SNTB2: variants seen among roughly 807,000 people sequenced by gnomAD.
The protein encoded by SNTB2 is beta-2-syntrophin.
SNTB2 carries 34 observed loss-of-function variants against 46.2 expected under a neutral mutation model. The ratio of observed to expected loss-of-function variants is 0.74; its 90% confidence interval spans 0.56 to 0.98. The LOEUF is 0.98. SNTB2 is among the 50% of genes least tolerant of loss of function. SNTB2 has a pLI of 0.00. For missense variants in SNTB2, 603 were observed against 731.4 expected (o/e 0.82, Z 2.02); for synonymous variants, 290 against 312.6 (o/e 0.93, Z 0.76).
intron 1 of SNTB2, among the ~76,000 whole-genome samples, chr16:69,198,928 C>T (rs1037398038): frequency 7.2e-6 from 1 of 139,582 alleles, no homozygotes; most frequent in Non-Finnish European, 1.5e-5. Flanking sequence ...GACAGTTTCA[C>T]TCTTGTTGCT....
chr16:69,189,312 C>A (rs915007104), intron 1 of SNTB2, among the ~76,000 whole-genome samples: 1 of 152,102 alleles, frequency 6.6e-6, no homozygotes, highest in Non-Finnish European at 1.5e-5. Flanking sequence ...AAAACTGTTA[C>A]TCTAAACGTG....
intron 1 of SNTB2, among the ~76,000 whole-genome samples, chr16:69,193,317 A>AG (rs1964072184): frequency 1.0e-5 from 1 of 99,652 alleles, no homozygotes; most frequent in Admixed American, 1.0e-4. Flanking sequence ...GATGGTATAG[A>AG]CTTTTTTTTT....
At chr16:69,198,098 ATTTT>A (rs34676761) in intron 1 of SNTB2, among the ~76,000 whole-genome samples, 65 of 128,372 alleles carry the variant, frequency 5.1e-4, no homozygotes, top group African/African-American at 1.3e-3. Flanking sequence ...AACAGAGTTG[ATTTT>A]TTTTTTTTTT....
In SNTB2 at chr16:69,245,718, T is replaced by G. The variant is rs764902395; in HGVS notation, c.697T>G (p.Ser233Ala). ...PSFSGSEDSGSPKHQNSTKDR... is the reference protein window; with the variant it reads ...PSFSGSEDSGAPKHQNSTKDR... Reference sequence around the variant, plus strand: ...CTTTAGTGGCAGTGAGGACTCTGGTTCGCCAAAACACCAGAACAGCACCAA... The same window carrying G: ...CTTTAGTGGCAGTGAGGACTCTGGTGCGCCAAAACACCAGAACAGCACCAA... The change falls in exon 2 of 7, where the codon TCG becomes GCG. Residue 233 changes from serine to alanine, a missense_variant. Physicochemically the swap from Ser to Ala is moderately conservative, Grantham distance 99 (BLOSUM62 1). Coordinates refer to ENST00000336278, the MANE Select transcript of SNTB2 (RefSeq NM_006750.4). 1.2e-5 allele frequency: 20 copies of G among 1,613,974 alleles called. 1 individual carries two copies. The Admixed American group carries it at 3.3e-4, about 27-fold the overall frequency.
intron 1 of SNTB2, among the ~76,000 whole-genome samples, chr16:69,208,292 G>A (rs764231126): frequency 2.0e-5 from 3 of 151,914 alleles, no homozygotes; most frequent in Non-Finnish European, 4.4e-5. Flanking sequence ...TGTAATCCCA[G>A]CTACTAGGGA....
chr16:69,208,135 G>A (rs959354479), intron 1 of SNTB2, among the ~76,000 whole-genome samples: 9 of 148,454 alleles, frequency 6.1e-5, no homozygotes, highest in East Asian at 2.0e-4. Context: ...AGCCGGGCAC[G>A]GTGGCTCATG....
At chr16:69,300,783 G>A (rs1404920934) in intron 6 of SNTB2, 49 bp from the exon 7 acceptor site, 4 of 1,162,532 alleles carry the variant, frequency 3.4e-6, no homozygotes, top group Non-Finnish European at 5.2e-6. Flanking sequence ...TTATTAAGTT[G>A]TCTGTATATG....
chr16:69,212,841 C>G (rs1964302834), intron 1 of SNTB2, among the ~76,000 whole-genome samples: 1 of 150,308 alleles, frequency 6.7e-6, no homozygotes, highest in Non-Finnish European at 1.5e-5. Flanking sequence ...CCATGTTGAT[C>G]AGGCTGGTTT....
chr16:69,270,311 T>A, intron 4 of SNTB2, 26 bp downstream of exon 4: 1 of 1,613,176 alleles, frequency 6.2e-7, no homozygotes, highest in Non-Finnish European at 8.5e-7. Context: ...GATAAGGAAG[T>A]AAAATATTTA....
intron 1 of SNTB2, among the ~76,000 whole-genome samples, chr16:69,231,648 T>A (rs1457164127): frequency 1.3e-5 from 2 of 152,078 alleles, no homozygotes; most frequent in Non-Finnish European, 2.9e-5. Context: ...ATCTTAATCC[T>A]AAAAACCAAA....
At position 69,292,392 on chromosome 16, in the gene SNTB2, ATATATATATATATATTATATATATATT is replaced by A. The variant is rs1965174632; in HGVS notation, c.1346-7197_1346-7171del. Among the ~76,000 whole-genome samples, 6 of 26,358 alleles carry A rather than the reference ATATATATATATATATTATATATATATT, an allele frequency of 2.3e-4. 1 individual carries two copies. The South Asian group carries it at 3.4e-3, about 15-fold the overall frequency. The allele number at this position is 26,358 out of a possible 152,430, so 17.3% of individuals were successfully genotyped here. ...TATATATATATATTATATATATATT[ATATATATATATATATTATATATATATT>A]ATATATATATATATATTATATATAT... On this transcript the variant is annotated intron_variant, in intron 5 of 6. Transcript: ENST00000336278.
chr16:69,256,252 T>C (rs113599286), intron 2 of SNTB2, among the ~76,000 whole-genome samples: 7,609 of 152,196 alleles, frequency 0.05, 261 homozygotes, highest in Non-Finnish European at 0.071. Flanking sequence ...ACTCCTGGCT[T>C]CAAGTGATTT....
At chr16:69,280,599 C>G (rs1229005463) in intron 4 of SNTB2, among the ~76,000 whole-genome samples, 1 of 140,558 alleles carries the variant, frequency 7.1e-6, no homozygotes, top group African/African-American at 2.7e-5. Context: ...CTGAACCCCC[C>G]ACCTCCCTCC....
chr16:69,273,473 C>T (rs751319139), intron 4 of SNTB2, among the ~76,000 whole-genome samples: 2 of 152,150 alleles, frequency 1.3e-5, no homozygotes, highest in Non-Finnish European at 2.9e-5. Context: ...AGAAGCCAGA[C>T]AGAAACAACC....
At position 69,290,479 on chromosome 16, in the gene SNTB2, G is replaced by A. The variant is rs1465325814; in HGVS notation, c.1345+6235G>A. On this transcript the variant is annotated intron_variant, in intron 5 of 6. Transcript: ENST00000336278. ...AAAATGAAGAAAATCTAGGAGAAGA[G>A]AAGAAAAACAGGCATTTACAAGGAT... 5.9e-5 allele frequency among the ~76,000 whole-genome samples: 9 copies of A among 152,236 alleles called. No homozygotes were observed. In the South Asian group the frequency reaches 1.7e-3, roughly 28 times the overall value.
rs773705046 is a variant in SNTB2 at position 69,260,125 on chromosome 16, C to G, written c.870C>G (p.Ser290=). ...GCAAAGATACAGCCACAGCACACTC[C>G]TGGTTCGTAGCTATCCACACCAACA... ...LRCKDTATAH[S]WFVAIHTNIM... Residue 290 remains serine, a synonymous_variant, in exon 3 of 7, where the codon TCC becomes TCG. Coordinates refer to ENST00000336278, the MANE Select transcript of SNTB2 (RefSeq NM_006750.4). 2 of 1,614,100 alleles carry G rather than the reference C, an allele frequency of 1.2e-6. No homozygotes were observed. Among genetic ancestry groups the G allele is most frequent in the East Asian group, 2.2e-5 (1 of 44,872 alleles).
chr16:69,227,626 T>C (rs758014215), intron 1 of SNTB2, among the ~76,000 whole-genome samples: 2 of 152,216 alleles, frequency 1.3e-5, no homozygotes, highest in Non-Finnish European at 2.9e-5. Context: ...GTTGTAATTA[T>C]TGTTGACTTT....
intron 1 of SNTB2, among the ~76,000 whole-genome samples, chr16:69,201,398 A>G (rs1034282579): frequency 6.6e-6 from 1 of 152,296 alleles, no homozygotes; most frequent in South Asian, 2.1e-4. Context: ...CAACTTATTT[A>G]TGTGATGTTG....
At chr16:69,206,305 C>G (rs1163925768) in intron 1 of SNTB2, among the ~76,000 whole-genome samples, 5 of 152,256 alleles carry the variant, frequency 3.3e-5, no homozygotes, top group African/African-American at 1.2e-4. Flanking sequence ...CTGCCTCCTT[C>G]TACCTTTTAG....
Sources: allele counts gnomAD v4.1 joint callset (sites outside exome capture counted in the v4.1 genomes callset), GRCh38; gene constraint gnomAD v4.1.1; transcripts MANE v1.5; gene names NCBI Gene and HGNC (gene_info 2026-07-23, HGNC 2026-07-21).